HPGDS: variants seen among roughly 807,000 people sequenced by gnomAD.
HPGDS encodes GST class-sigma.
A neutral mutation model predicts 23.1 loss-of-function variants in HPGDS; 26 were observed. The ratio of observed to expected loss-of-function variants is 1.13; its 90% CI spans 0.83 to 1.56. The LOEUF (loss-of-function observed/expected upper bound fraction) is 1.56. Among genes scored for constraint, HPGDS ranks in the 40% most tolerant of loss-of-function variants. The pLI is 0.00. For missense variants in HPGDS, 268 were observed against 236.4 expected (o/e 1.13, Z -0.88); for synonymous variants, 95 against 77.9 (o/e 1.22, Z -1.16).
chr4:94,314,189 C>T (rs1473661723), intron 3 of HPGDS, among the ~76,000 whole-genome samples: 2 of 152,198 alleles, frequency 1.3e-5, no homozygotes, highest in South Asian at 2.1e-4. Flanking sequence ...TGAGGAGCTG[C>T]GTTCCTTTGG....
chr4:94,314,075 T>C (rs1756340192), intron 3 of HPGDS, among the ~76,000 whole-genome samples: 2 of 152,230 alleles, frequency 1.3e-5, no homozygotes, highest in South Asian at 4.1e-4. Flanking sequence ...TCCTTTGCCA[T>C]GGGTTCAAAC....
intron 3 of HPGDS, among the ~76,000 whole-genome samples, chr4:94,317,376 G>A (rs528569713): frequency 3.7e-4 from 56 of 152,176 alleles, no homozygotes; most frequent in South Asian, 6.2e-4. Flanking sequence ...GCAACAATCC[G>A]GAAGCCAAGT....
At chr4:94,305,506 A>C (rs1240272933) in intron 4 of HPGDS, among the ~76,000 whole-genome samples, 1 of 152,156 alleles carries the variant, frequency 6.6e-6, no homozygotes, top group Non-Finnish European at 1.5e-5. Flanking sequence ...CTAAGTAGAT[A>C]GTATGTGCTT....
intron 4 of HPGDS, among the ~76,000 whole-genome samples, chr4:94,308,305 T>C (rs945889389): frequency 1.5e-4 from 23 of 152,162 alleles, no homozygotes; most frequent in African/African-American, 5.3e-4. Flanking sequence ...TTAGGAATGC[T>C]TAACCTGTAC....
chr4:94,300,342 A>G (rs1049377869), intron 5 of HPGDS, among the ~76,000 whole-genome samples: 4 of 152,242 alleles, frequency 2.6e-5, no homozygotes, highest in Non-Finnish European at 5.9e-5. Flanking sequence ...ATTAGTGATG[A>G]CAGCCTGGTC....
intron 1 of HPGDS, among the ~76,000 whole-genome samples, chr4:94,335,610 A>G (rs1228528617): frequency 2.0e-5 from 3 of 152,200 alleles, no homozygotes; most frequent in African/African-American, 7.2e-5. Context: ...TGGATTTGTA[A>G]ATTAATGAGG....
chr4:94,331,039 T>A (rs1756726561), intron 2 of HPGDS, among the ~76,000 whole-genome samples: 1 of 152,170 alleles, frequency 6.6e-6, no homozygotes, highest in Admixed American at 6.5e-5. Flanking sequence ...ACCAGATTGG[T>A]TACAGCCCAG....
intron 2 of HPGDS, among the ~76,000 whole-genome samples, chr4:94,329,282 C>T (rs1410150346): frequency 6.6e-6 from 1 of 152,076 alleles, no homozygotes; most frequent in Non-Finnish European, 1.5e-5. Flanking sequence ...ATATAAATTG[C>T]CCTGGTCACA....
intron 2 of HPGDS, among the ~76,000 whole-genome samples, chr4:94,323,381 T>A (rs1253945890): frequency 6.6e-6 from 1 of 152,170 alleles, no homozygotes; most frequent in African/African-American, 2.4e-5. Context: ...CTCCCATTAT[T>A]ATTGTGTGGG....
At chr4:94,332,886 C>G (rs1469093863) in intron 2 of HPGDS, among the ~76,000 whole-genome samples, 2 of 152,186 alleles carry the variant, frequency 1.3e-5, no homozygotes, top group Non-Finnish European at 2.9e-5. Flanking sequence ...TTTTTAGCTT[C>G]CAGAATTGTG....
intron 2 of HPGDS, among the ~76,000 whole-genome samples, chr4:94,324,803 C>T (rs149021124): frequency 3.3e-5 from 5 of 152,130 alleles, no homozygotes; most frequent in African/African-American, 4.8e-5. Flanking sequence ...TTCCATTGCT[C>T]GCAAGGAGCT....
intron 2 of HPGDS, among the ~76,000 whole-genome samples, chr4:94,333,859 C>G (rs1030970424): frequency 1.3e-5 from 2 of 152,164 alleles, no homozygotes; most frequent in African/African-American, 2.4e-5. Flanking sequence ...TATTCACTGT[C>G]TTAAAATCCC....
intron 1 of HPGDS, among the ~76,000 whole-genome samples, chr4:94,342,161 A>T (rs1277675941): frequency 2.0e-5 from 3 of 151,152 alleles, no homozygotes; most frequent in Non-Finnish European, 4.4e-5. Context: ...TTTATCAAAT[A>T]TCAACTAAAT....
chr4:94,322,024 T>C (rs184080200), intron 2 of HPGDS, among the ~76,000 whole-genome samples: 24 of 152,322 alleles, frequency 1.6e-4, no homozygotes, highest in Middle Eastern at 3.4e-3. Flanking sequence ...GAGACGATCA[T>C]GTGGTTTTTG....
intron 4 of HPGDS, among the ~76,000 whole-genome samples, chr4:94,304,482 T>G (rs1279743170): frequency 1.3e-5 from 2 of 152,126 alleles, no homozygotes; most frequent in Non-Finnish European, 2.9e-5. Context: ...TGGTAGATTT[T>G]TAAGGTGTAT....
At position 94,299,155 on chromosome 4, in the gene HPGDS, A is replaced by C. The variant is rs77546017; in HGVS notation, c.*325T>G. 0.021 allele frequency: 4,175 copies of C among 197,442 alleles called. 137 individuals carry two copies. The highest frequency in any genetic ancestry group is 0.077 in the African/African-American group (3,340 of 43,274). The allele number at this position is 197,442 out of a possible 1,614,324, so 12.2% of individuals were successfully genotyped here. A position where few individuals can be genotyped will look rare whatever the true frequency, so the allele number is the denominator to read the frequency against. ...GTAATTGTGGTAGCTGAAGTCCAAAACATTTTGGGGGAGGGGAAGAATGGT... is the reference window on the plus strand; with the variant it reads ...GTAATTGTGGTAGCTGAAGTCCAAACCATTTTGGGGGAGGGGAAGAATGGT... On this transcript the variant is annotated 3_prime_UTR_variant, in exon 6 of 6. Coordinates refer to ENST00000295256, the MANE Select transcript of HPGDS (RefSeq NM_014485.3).
At chr4:94,312,661 G>C (rs1756300379) in intron 3 of HPGDS, among the ~76,000 whole-genome samples, 2 of 152,108 alleles carry the variant, frequency 1.3e-5, no homozygotes, top group Non-Finnish European at 2.9e-5. Flanking sequence ...AGGTCCACTT[G>C]GTGCAGAGCT....
At chr4:94,320,398 T>C (rs543373963) in intron 2 of HPGDS, among the ~76,000 whole-genome samples, 1 of 152,176 alleles carries the variant, frequency 6.6e-6, no homozygotes, top group South Asian at 2.1e-4. Context: ...AGTGTTCCTA[T>C]TTCTCCACAC....
chr4:94,324,307 G>C (rs1314681877), intron 2 of HPGDS, among the ~76,000 whole-genome samples: 2 of 152,162 alleles, frequency 1.3e-5, no homozygotes, highest in Admixed American at 6.5e-5. Flanking sequence ...ATGTTGGCCT[G>C]TCTTGCTAGG....
Sources: gnomAD v4.1 joint callset for allele counts (sites outside exome capture counted in the v4.1 genomes callset) on GRCh38, gnomAD v4.1.1 for gene constraint, MANE v1.5 for transcripts, NCBI Gene and HGNC (gene_info 2026-07-23, HGNC 2026-07-21) for gene names.